PTPRK: variants seen among roughly 807,000 people sequenced by gnomAD.
PTPRK encodes protein tyrosine phosphatase receptor type K.
PTPRK carries 75 observed loss-of-function variants against 178.0 expected under a neutral mutation model. That is an observed-to-expected ratio of 0.42 (90% CI 0.35 to 0.51). The LOEUF is 0.51. Ranked by LOEUF, PTPRK falls within the 20% of genes least tolerant of loss-of-function variation. The pLI is 0.02. For synonymous variants in PTPRK, 637 were observed against 620.6 expected, an observed-to-expected ratio of 1.03 and a Z score of -0.39; for missense variants, 1,441 against 1,797.8, an observed-to-expected ratio of 0.80 and a Z score of 3.59.
chr6:128,445,742 T>C (rs1584756823), intron 1 of PTPRK, among the ~76,000 whole-genome samples: 1 of 152,192 alleles, frequency 6.6e-6, no homozygotes, highest in Admixed American at 6.5e-5. Flanking sequence ...TCATTATAGC[T>C]GTATGACCAG....
rs886329149 is a variant in PTPRK at position 128,322,170 on chromosome 6, T to C, written c.364A>G (p.Thr122Ala). 1 of 1,613,906 alleles carries C rather than the reference T, an allele frequency of 6.2e-7. No homozygotes were observed. Among genetic ancestry groups the C allele is most frequent in the South Asian group, 1.1e-5 (1 of 91,084 alleles). The change falls in exon 3 of 30, where the codon ACT (threonine) becomes GCT (alanine). Residue 122 changes from threonine to alanine, a missense_variant. Thr to Ala is a moderately conservative substitution (Grantham distance 58). This residue lies in a region of PTPRK where 158 missense variants were observed against 188.0 expected (regional missense o/e 0.84). Coordinates refer to ENST00000368226, the MANE Select transcript of PTPRK (RefSeq NM_002844.4). ...LYSQKGLNPG[T>A]LNILVRVNKG... ...TTCACCCTAACTAATATGTTCAAAG[T>C]GCCAGGATTCAGTCCTTTCTGGCTA...
At chr6:128,294,277 G>A (rs187473266) in intron 3 of PTPRK, among the ~76,000 whole-genome samples, 232 of 152,156 alleles carry the variant, frequency 1.5e-3, no homozygotes, top group African/African-American at 5.4e-3. Context: ...CTAAGAATCA[G>A]TCTTTCTAAG....
At chr6:128,094,228 A>C (rs1233763020) in intron 7 of PTPRK, among the ~76,000 whole-genome samples, 1 of 152,180 alleles carries the variant, frequency 6.6e-6, no homozygotes, top group Non-Finnish European at 1.5e-5. Flanking sequence ...ATGAGAAGTC[A>C]TTGAGGGTTT....
chr6:128,090,071 T>C (rs1786659649), intron 7 of PTPRK, 79 bp from the exon 8 acceptor site: 3 of 1,113,518 alleles, frequency 2.7e-6, no homozygotes, highest in Non-Finnish European at 3.9e-6. Context: ...CCAAGTATAA[T>C]ATAGCATATG....
intron 3 of PTPRK, among the ~76,000 whole-genome samples, chr6:128,262,922 T>A (rs1033845281): frequency 1.4e-5 from 2 of 144,018 alleles, no homozygotes; most frequent in Non-Finnish European, 3.0e-5. Flanking sequence ...ACTGGGCCAA[T>A]TTTCCTTGAG....
intron 7 of PTPRK, among the ~76,000 whole-genome samples, chr6:128,122,784 G>A (rs536818528): frequency 1.3e-5 from 2 of 152,094 alleles, no homozygotes; most frequent in Non-Finnish European, 2.9e-5. Flanking sequence ...CATACAGTAA[G>A]AGTTCAATAA....
At chr6:128,372,234 T>A (rs1836401476) in intron 2 of PTPRK, among the ~76,000 whole-genome samples, 1 of 152,182 alleles carries the variant, frequency 6.6e-6, no homozygotes, top group Non-Finnish European at 1.5e-5. Flanking sequence ...TGCTAGCAGT[T>A]GCCTATAGCA....
chr6:128,161,544 T>C (rs1476484958), intron 7 of PTPRK, among the ~76,000 whole-genome samples: 4 of 151,624 alleles, frequency 2.6e-5, no homozygotes, highest in Admixed American at 1.3e-4. Context: ...CCATTCAAAC[T>C]TGTTTAGTGC....
At chr6:128,100,392 A>C (rs1788592660) in intron 7 of PTPRK, among the ~76,000 whole-genome samples, 1 of 152,016 alleles carries the variant, frequency 6.6e-6, no homozygotes, top group South Asian at 2.1e-4. Context: ...GGGACTATTA[A>C]AATCATAGCA....
chr6:128,280,318 G>C lies in PTPRK; in HGVS notation c.496-37716C>G, dbSNP rs1215656829. ...GGAGGCTGGCACTTAACACAATAAT[G>C]AGCTCCTAGTAGCTTCTCAATGTCA... On this transcript the variant is annotated intron_variant, in intron 3 of 29. Coordinates refer to ENST00000368226, the MANE Select transcript of PTPRK (RefSeq NM_002844.4). 3.3e-5 allele frequency among the ~76,000 whole-genome samples: 5 copies of C among 152,196 alleles called. No homozygotes were observed. In the South Asian group the frequency reaches 6.2e-4, roughly 19 times the overall value.
At position 128,321,961 on chromosome 6, in the gene PTPRK, A is replaced by G. The variant is rs565389826; in HGVS notation, c.495+78T>C. ...GCAATCTCTCATTACCATGAGATGC[A>G]TATTTACATCTATGTATTACACATA... On this transcript the variant is annotated intron_variant, in intron 3 of 29. Coordinates refer to ENST00000368226, the MANE Select transcript of PTPRK (RefSeq NM_002844.4). The G allele has an allele frequency of 2.5e-5, 40 of 1,583,328 alleles. No homozygotes were observed. In the African/African-American group the frequency reaches 4.6e-4, roughly 18 times the overall value.
chr6:128,465,643 A>C (rs1345240193), intron 1 of PTPRK, among the ~76,000 whole-genome samples: 1 of 152,204 alleles, frequency 6.6e-6, no homozygotes, highest in Non-Finnish European at 1.5e-5. Flanking sequence ...AACACCAGGA[A>C]AATGAATTCC....
At chr6:128,175,099 T>A (rs937905742) in intron 7 of PTPRK, among the ~76,000 whole-genome samples, 5 of 151,858 alleles carry the variant, frequency 3.3e-5, no homozygotes, top group African/African-American at 1.2e-4. Context: ...AGACAGAGTC[T>A]AGAATACAGG....
chr6:128,475,808 T>C (rs1052551747), intron 1 of PTPRK, among the ~76,000 whole-genome samples: 22 of 152,014 alleles, frequency 1.4e-4, no homozygotes, highest in African/African-American at 5.1e-4. Context: ...AGCCATCATT[T>C]CACTAATGAG....
chr6:128,313,504 G>A (rs1231783104), intron 3 of PTPRK, among the ~76,000 whole-genome samples: 3 of 152,010 alleles, frequency 2.0e-5, no homozygotes, highest in African/African-American at 7.2e-5. Context: ...TGGCAGAAGT[G>A]GACATAAAGT....
At position 128,233,658 on chromosome 6, in the gene PTPRK, C is replaced by T. The variant is rs115270989; in HGVS notation, c.693+6377G>A. On this transcript the variant is annotated intron_variant, in intron 5 of 29. Transcript: ENST00000368226. ...TAGCAATGATGAGCCTCACCAAGGG[C>T]GAAGCGGTGGCTGACTCTCCTGTTT... is the stretch of plus-strand genomic sequence containing the variant. Among the ~76,000 whole-genome samples the T allele has an allele frequency of 4.1e-4, 62 of 152,290 alleles. 1 individual carries two copies. Among genetic ancestry groups the T allele is most frequent in the African/African-American group, 1.4e-3 (58 of 41,570 alleles).
intron 1 of PTPRK, among the ~76,000 whole-genome samples, chr6:128,517,393 A>C (rs1396384121): frequency 1.3e-5 from 2 of 152,154 alleles, no homozygotes; most frequent in African/African-American, 4.8e-5. Context: ...TTCTACAGAA[A>C]ACTTTCTTAC....
intron 1 of PTPRK, among the ~76,000 whole-genome samples, chr6:128,484,157 A>G (rs1281019084): frequency 6.6e-6 from 1 of 151,708 alleles, no homozygotes; most frequent in Middle Eastern, 3.2e-3. Context: ...AAAATCCCCC[A>G]TTTTTTTCTC....
Position 128,066,918 on chromosome 6 carries a change from A to C in PTPRK, c.2157+601T>G, listed in dbSNP as rs183566427. On this transcript the variant is annotated intron_variant, in intron 12 of 29. Coordinates refer to ENST00000368226, the MANE Select transcript of PTPRK (RefSeq NM_002844.4). ...CAACTGTGTCCAAAATGGGAAAAGG[A>C]GGGGCAACCAGGGAAACAGAGAGCA... Among the ~76,000 whole-genome samples the C allele has an allele frequency of 1.9e-4, 29 of 152,258 alleles. 1 individual carries two copies. The East Asian group carries it at 4.8e-3, about 25-fold the overall frequency.
Sources: allele counts gnomAD v4.1 joint callset (sites outside exome capture counted in the v4.1 genomes callset), GRCh38; gene constraint gnomAD v4.1.1; regional missense constraint gnomAD v4.1.1; transcripts MANE v1.5; gene names NCBI Gene and HGNC (gene_info 2026-07-23, HGNC 2026-07-21).